Variants in LMNB2 observed in about 807,000 individuals in gnomAD.
The protein encoded by LMNB2 is lamin B2.
A neutral mutation model predicts 69.3 loss-of-function variants in LMNB2; 17 were observed. That is an observed-to-expected ratio of 0.25 (90% CI 0.17 to 0.37). The LOEUF (loss-of-function observed/expected upper bound fraction) is 0.37. Ranked by LOEUF, LMNB2 falls within the 10% of genes least tolerant of loss-of-function variation. The pLI is 1.00. For synonymous variants in LMNB2, 397 were observed against 389.3 expected, an observed-to-expected ratio of 1.02 and a Z score of -0.23; for missense variants, 789 against 883.6, an observed-to-expected ratio of 0.89 and a Z score of 1.36.
At chr19:2,438,667 C>A (rs11882177) in intron 2 of LMNB2, 136 bp from the exon 3 acceptor site, 2 of 1,070,048 alleles carry the variant, frequency 1.9e-6, no homozygotes, top group East Asian at 5.1e-5. Flanking sequence ...GTCCTGCAGA[C>A]GACGCGGCCC....
rs200356238 is a variant in LMNB2, at chr19:2,433,947, G to C, written c.1361C>G (p.Thr454Arg). The C allele has an allele frequency of 3.1e-6, 5 of 1,612,044 alleles. No homozygotes were observed. The highest frequency in any genetic ancestry group is 4.2e-6 in the Non-Finnish European group (5 of 1,179,788). ...PLGSGPSVLG[T>R]GTGGSGGFHL... ...GAAGCCACCGCTGCCACCCGTGCCC[G>C]TGCCCAGGACGCTTGGGCCGCTGCC... The change falls in exon 8 of 12, where the codon ACG (threonine) becomes AGG (arginine). Residue 454 changes from threonine to arginine, a missense_variant. Physicochemically the swap from Thr to Arg is moderately conservative, Grantham distance 71 (BLOSUM62 -1). Coordinates refer to ENST00000325327, the MANE Select transcript of LMNB2 (RefSeq NM_032737.4).
intron 1 of LMNB2, among the ~76,000 whole-genome samples, chr19:2,452,716 ACT>A (rs1972038309): frequency 1.3e-5 from 2 of 151,994 alleles, no homozygotes; most frequent in Non-Finnish European, 2.9e-5. Flanking sequence ...ACAGAGTGAG[ACT>A]CTATCTCAAA....
chr19:2,431,761 C>T lies in LMNB2; in HGVS notation c.1710+22G>A, dbSNP rs1387075898. On this transcript the variant is annotated intron_variant, in intron 10 of 11. Transcript: ENST00000325327. ...CCTGCCCAGGACTCCAGCCGAGCACCCCCCAAGCCACACACACCCACCTCG... is the reference window on the plus strand; with the variant it reads ...CCTGCCCAGGACTCCAGCCGAGCACTCCCCAAGCCACACACACCCACCTCG... 2.5e-6 allele frequency: 4 copies of T among 1,613,786 alleles called. No individual in the cohort carries two copies. The South Asian group carries it at 3.3e-5, about 13-fold the overall frequency.
At position 2,450,070 on chromosome 19, in the gene LMNB2, G is replaced by A. The variant is rs574378936; in HGVS notation, c.265-5530C>T. ...AGCCTGGGCAACAGAGTGAAACTCC[G>A]TCTCAAAAAAAAGAAAATAAAATAC... is the stretch of plus-strand genomic sequence containing the variant. On this transcript the variant is annotated intron_variant, in intron 1 of 11. Transcript: ENST00000325327. Among the ~76,000 whole-genome samples, 210 of 138,548 alleles carry A rather than the reference G, an allele frequency of 1.5e-3. 1 individual carries two copies. The highest frequency in any genetic ancestry group is 5.9e-3 in the African/African-American group (207 of 35,180). 90.9% of individuals were successfully genotyped at this position (138,548 alleles called of 152,430 possible).
rs1481660864 is a variant in LMNB2 at position 2,447,325 on chromosome 19, G to A, written c.265-2785C>T. On this transcript the variant is annotated intron_variant, in intron 1 of 11. Coordinates refer to ENST00000325327, the MANE Select transcript of LMNB2 (RefSeq NM_032737.4). The surrounding 1 kb of genome is among the most constrained non-coding windows in gnomAD (Gnocchi z 4.4). ...ACTCATGAGACGCCAGACACAAAACGCCACACAGTGTGTAATCCCATTTCC... is the reference window on the plus strand; with the variant it reads ...ACTCATGAGACGCCAGACACAAAACACCACACAGTGTGTAATCCCATTTCC... 6.6e-6 allele frequency among the ~76,000 whole-genome samples: 1 copy of A among 152,072 alleles called. No individual in the cohort carries two copies. Among genetic ancestry groups the A allele is most frequent in the Non-Finnish European group, 1.5e-5 (1 of 68,018 alleles).
chr19:2,435,825 A>G (rs1285330018), intron 4 of LMNB2, among the ~76,000 whole-genome samples: 1 of 152,056 alleles, frequency 6.6e-6, no homozygotes, highest in Non-Finnish European at 1.5e-5. Context: ...CTCAAAAAAA[A>G]AAAAAGTGAC....
intron 2 of LMNB2, among the ~76,000 whole-genome samples, chr19:2,439,385 C>T (rs990564676): frequency 6.0e-5 from 9 of 150,744 alleles, no homozygotes; most frequent in Non-Finnish European, 4.4e-5. Flanking sequence ...TTGGGGTGGT[C>T]GAGTGAGGAC....
Position 2,456,659 on chromosome 19 carries a change from C to G in LMNB2, c.264+11G>C. On this transcript the variant is annotated intron_variant, in intron 1 of 11. Coordinates refer to ENST00000325327, the MANE Select transcript of LMNB2 (RefSeq NM_032737.4). ...TGCACCCCCGCCCGGCCCCTAAGCC[C>G]CGGCGCCCACCTCGCGCGTGGTCAC... 1 of 1,513,758 alleles carries G rather than the reference C, an allele frequency of 6.6e-7. No individual in the cohort carries two copies. Among genetic ancestry groups the G allele is most frequent in the East Asian group, 2.8e-5 (1 of 35,508 alleles). The allele number at this position is 1,513,758 out of a possible 1,614,324, so 93.8% of individuals were successfully genotyped here.
At position 2,456,908 on chromosome 19, in the gene LMNB2, C is replaced by T. The variant is rs1972098298; in HGVS notation, c.26G>A (p.Arg9His). Residue 9 changes from arginine to histidine, a missense_variant, in exon 1 of 12, where the codon CGT becomes CAT. Arg to His is a conservative substitution (Grantham distance 29). Around this residue, in one of 3 missense-constraint regions of LMNB2, gnomAD observed 35 missense variants for 23.9 expected, o/e 1.47. Transcript: ENST00000325327. MSPPSPGR[R>H]REQRRPRAAA... ...GGCTCGCGGCCTGCGCTGCTCCCGA[C>T]GGCGGCCCGGGCTCGGCGGGCTCAT... The T allele has an allele frequency of 5.0e-6, 5 of 1,004,108 alleles. No homozygotes were observed. Among genetic ancestry groups the T allele is most frequent in the Non-Finnish European group, 5.9e-6 (5 of 844,258 alleles). The allele number at this position is 1,004,108 out of a possible 1,614,324, so 62.2% of individuals were successfully genotyped here. A position where few individuals can be genotyped will look rare whatever the true frequency, so the allele number is the denominator to read the frequency against.
At chr19:2,444,598 G>A in intron 1 of LMNB2, 58 bp from the exon 2 acceptor site, 1 of 1,594,902 alleles carries the variant, frequency 6.3e-7, no homozygotes, top group South Asian at 1.1e-5. Context: ...GACTACAGCA[G>A]TCAGGGGGCC....
rs1971728500 is a variant in LMNB2, at chr19:2,430,681, T to C, written c.*230A>G. ...CTTCCAATTTGACCAAATGGTGAGA[T>C]GAGGAGTGGGGTGGGATTGAAAAGT... On this transcript the variant is annotated 3_prime_UTR_variant, in exon 12 of 12. Coordinates refer to ENST00000325327, the MANE Select transcript of LMNB2 (RefSeq NM_032737.4). 1.6e-6 allele frequency: 1 copy of C among 608,650 alleles called. No homozygotes were observed. The highest frequency in any genetic ancestry group is 3.0e-6 in the Non-Finnish European group (1 of 332,188). 37.7% of individuals were successfully genotyped at this position (608,650 alleles called of 1,614,324 possible).
At chr19:2,451,263 CA>C (rs970087746) in intron 1 of LMNB2, among the ~76,000 whole-genome samples, 71 of 152,184 alleles carry the variant, frequency 4.7e-4, no homozygotes, top group African/African-American at 1.7e-3. Context: ...CGATAAAGGC[CA>C]GGGGGGAAGA....
At position 2,433,937 on chromosome 19, in the gene LMNB2, A is replaced by T. The variant is rs1971782926; in HGVS notation, c.1371T>A (p.Gly457=). 6.2e-7 allele frequency: 1 copy of T among 1,612,186 alleles called. No homozygotes were observed. The highest frequency in any genetic ancestry group is 1.3e-5 in the African/African-American group (1 of 74,892). Residue 457 remains glycine, a synonymous_variant, in exon 8 of 12, where the codon GGT becomes GGA. Coordinates refer to ENST00000325327, the MANE Select transcript of LMNB2 (RefSeq NM_032737.4). ...SGPSVLGTGT[G]GSGGFHLAQQ... ...GGGCCAGGTGGAAGCCACCGCTGCC[A>T]CCCGTGCCCGTGCCCAGGACGCTTG... is the stretch of plus-strand genomic sequence containing the variant.
intron 1 of LMNB2, among the ~76,000 whole-genome samples, chr19:2,448,411 CAG>C (rs1440068425): frequency 6.6e-6 from 1 of 152,162 alleles, no homozygotes; most frequent in Non-Finnish European, 1.5e-5. Flanking sequence ...AACAAAACAG[CAG>C]AGTTTCCAAC....
Position 2,433,905 on chromosome 19 carries a change from G to C in LMNB2, c.1403C>G (p.Ala468Gly), listed in dbSNP as rs766297775. ...GSGGFHLAQQ[A>G]SASGSVSIEE... ...GATGCTGACGCTACCCGAGGCCGAG[G>C]CCTGCTGGGCCAGGTGGAAGCCACC... The change falls in exon 8 of 12, where the codon GCC becomes GGC. Residue 468 changes from alanine (A) to glycine (G), a missense_variant. By Grantham distance (60) the Ala-to-Gly change is moderately conservative. This residue lies in a region of LMNB2 where 609 missense variants were observed against 630.9 expected (regional missense o/e 0.97). Coordinates refer to ENST00000325327, the MANE Select transcript of LMNB2 (RefSeq NM_032737.4). 9.9e-6 allele frequency: 16 copies of C among 1,612,192 alleles called. No individual in the cohort carries two copies. The highest frequency in any genetic ancestry group is 8.9e-5 in the East Asian group (4 of 44,854).
At chr19:2,432,334 G>T in intron 9 of LMNB2, 82 bp downstream of exon 9, 1 of 351,434 alleles carries the variant, frequency 2.8e-6, no homozygotes, top group Non-Finnish European at 5.3e-6. Context: ...ACCCACCCCC[G>T]CCAAGTCCTG....
At chr19:2,444,380 T>C in intron 2 of LMNB2, 24 bp downstream of exon 2, 1 of 1,613,202 alleles carries the variant, frequency 6.2e-7, no homozygotes, top group Non-Finnish European at 8.5e-7. Context: ...CAGGGTGACG[T>C]CGTGCCCAGC....
Position 2,428,291 on chromosome 19 carries a change from A to T in LMNB2, c.*2620T>A, listed in dbSNP as rs1971688262. On this transcript the variant is annotated 3_prime_UTR_variant, in exon 12 of 12. Transcript: ENST00000325327. ...ATCTTCTTAAAAACCGAATCTCTGA[A>T]ATGAAAGTCCATGCCAGCCCCAGCT... 1 of 152,184 alleles carries T rather than the reference A, an allele frequency of 6.6e-6. No individual in the cohort carries two copies. The highest frequency in any genetic ancestry group is 2.1e-4 in the South Asian group (1 of 4,842). The allele number at this position is 152,184 out of a possible 1,614,324, so 9.4% of individuals were successfully genotyped here. A position where few individuals can be genotyped will look rare whatever the true frequency, so the allele number is the denominator to read the frequency against.
At chr19:2,441,038 GA>G (rs1971894110) in intron 2 of LMNB2, among the ~76,000 whole-genome samples, 1 of 152,246 alleles carries the variant, frequency 6.6e-6, no homozygotes, top group Non-Finnish European at 1.5e-5. Context: ...TCTGTCAGAA[GA>G]ACCAGGAGCT....
Sources: gnomAD v4.1 joint callset for allele counts (sites outside exome capture counted in the v4.1 genomes callset) on GRCh38, gnomAD v4.1.1 for gene constraint, gnomAD v4.1.1 regional missense constraint, Gnocchi (gnomAD v3.1) non-coding constraint, MANE v1.5 for transcripts, NCBI Gene and HGNC (gene_info 2026-07-23, HGNC 2026-07-21) for gene names.